TMC1: variants seen among roughly 807,000 people sequenced by gnomAD.
The protein encoded by TMC1 is transmembrane channel-like protein 1.
Under a neutral mutation model 105.8 loss-of-function variants are expected in TMC1, and 84 were observed. The observed-to-expected ratio is 0.79, with a 90% CI of 0.67 to 0.95. The LOEUF (loss-of-function observed/expected upper bound fraction) is 0.95, where lower values mean the gene tolerates loss of function less well. Ranked by LOEUF, TMC1 falls within the 40% of genes least tolerant of loss-of-function variation. The probability of loss-of-function intolerance (pLI) is 0.00; values close to 1 mark genes in which losing one functional copy is unlikely to be tolerated. For missense variants in TMC1, 817 were observed against 914.1 expected (o/e 0.89, Z 1.37); for synonymous variants, 315 against 311.5 (o/e 1.01, Z -0.12).
At chr9:72,809,452 G>A (rs1388457358) in intron 18 of TMC1, among the ~76,000 whole-genome samples, 2 of 152,164 alleles carry the variant, frequency 1.3e-5, no homozygotes, top group Non-Finnish European at 2.9e-5. Flanking sequence ...GATGGATGAC[G>A]AATCTTTGAT....
chr9:72,816,003 G>A (rs1828781640), intron 18 of TMC1, 140 bp from the exon 19 acceptor site: 1 of 743,222 alleles, frequency 1.3e-6, no homozygotes, highest in Non-Finnish European at 2.4e-6. Flanking sequence ...ATTTATATCT[G>A]GTTACTTATC....
chr9:72,767,185 G>C (rs960522559), intron 12 of TMC1, among the ~76,000 whole-genome samples: 1 of 152,194 alleles, frequency 6.6e-6, no homozygotes, highest in African/African-American at 2.4e-5. Context: ...GAATCTTGCA[G>C]TGTCACCTCC....
chr9:72,807,010 C>G (rs1012474096), intron 18 of TMC1, among the ~76,000 whole-genome samples: 1 of 152,222 alleles, frequency 6.6e-6, no homozygotes, highest in Non-Finnish European at 1.5e-5. Context: ...GTCTGCAATC[C>G]CGGCACCTCG....
At chr9:72,812,943 A>G (rs998517229) in intron 18 of TMC1, among the ~76,000 whole-genome samples, 1 of 152,200 alleles carries the variant, frequency 6.6e-6, no homozygotes, top group Non-Finnish European at 1.5e-5. Flanking sequence ...TGGGTGGATG[A>G]CTGACTTAGC....
chr9:72,585,509 A>T (rs1423388710), intron 2 of TMC1, among the ~76,000 whole-genome samples: 1 of 152,174 alleles, frequency 6.6e-6, no homozygotes, highest in African/African-American at 2.4e-5. Context: ...GGAAAGAATA[A>T]GACAATACAA....
chr9:72,674,684 T>A (rs980203361), intron 5 of TMC1, among the ~76,000 whole-genome samples: 8 of 152,212 alleles, frequency 5.3e-5, no homozygotes, highest in African/African-American at 9.6e-5. Flanking sequence ...GTGATAATGA[T>A]GTCCATTAAA....
intron 14 of TMC1, 148 bp from the exon 15 acceptor site, chr9:72,788,975 G>A (rs1334352926): frequency 8.8e-6 from 7 of 792,012 alleles, no homozygotes; most frequent in Non-Finnish European, 8.2e-6. Flanking sequence ...TATTCACCTG[G>A]TTTGTGGAAT....
At chr9:72,561,178 G>A (rs1046591368) in intron 1 of TMC1, among the ~76,000 whole-genome samples, 1 of 151,864 alleles carries the variant, frequency 6.6e-6, no homozygotes, top group Non-Finnish European at 1.5e-5. Flanking sequence ...AAAATTAGCC[G>A]GGCGTGGTGG....
At chr9:72,817,803 C>A (rs1370325664) in intron 19 of TMC1, among the ~76,000 whole-genome samples, 1 of 152,108 alleles carries the variant, frequency 6.6e-6, no homozygotes, top group Non-Finnish European at 1.5e-5. Context: ...TTTTCCAGTT[C>A]TCTCGTGGGC....
intron 2 of TMC1, among the ~76,000 whole-genome samples, chr9:72,608,230 G>T (rs1053911181): frequency 3.3e-5 from 5 of 152,118 alleles, no homozygotes; most frequent in Admixed American, 3.3e-4. Context: ...ATATCTTCTT[G>T]CATCTCATCG....
Position 72,742,522 on chromosome 9 carries a change from G to A in TMC1, c.532G>A (p.Glu178Lys), listed in dbSNP as rs1588060117. ...ATGGGAAAATAAAATCAAGGCTATTGAAAGTAAGTCCTTATCAGATCTCAG... is the reference window on the plus strand; with the variant it reads ...ATGGGAAAATAAAATCAAGGCTATTAAAAGTAAGTCCTTATCAGATCTCAG... ...VPWENKIKAI[E>K]SQFGSSVASY... The change falls in exon 10 of 24, where the codon GAA becomes AAA. Residue 178 changes from glutamate (E) to lysine (K), a missense_variant. Glu to Lys is a moderately conservative substitution (Grantham distance 56, BLOSUM62 1). Transcript: ENST00000297784. The A allele has an allele frequency of 6.2e-7, 1 of 1,613,402 alleles. No individual in the cohort carries two copies. The highest frequency in any genetic ancestry group is 1.3e-5 in the African/African-American group (1 of 75,044).
intron 8 of TMC1, among the ~76,000 whole-genome samples, chr9:72,735,218 T>G (rs1270620123): frequency 6.6e-6 from 1 of 152,218 alleles, no homozygotes; most frequent in African/African-American, 2.4e-5. Flanking sequence ...AAGACCAGAT[T>G]ACAGTCTTGG....
At chr9:72,742,558 T>C (rs1334619745) in intron 10 of TMC1, 33 bp downstream of exon 10, 7 of 1,568,860 alleles carry the variant, frequency 4.5e-6, no homozygotes, top group Non-Finnish European at 6.1e-6. Context: ...GTGGAGAAGG[T>C]TGTCTTAGAG....
chr9:72,623,367 C>T (rs1293939235), intron 3 of TMC1, among the ~76,000 whole-genome samples: 2 of 152,012 alleles, frequency 1.3e-5, no homozygotes, highest in Non-Finnish European at 2.9e-5. Context: ...TCAAGGAAAT[C>T]GTGGTCTATG....
intron 10 of TMC1, among the ~76,000 whole-genome samples, chr9:72,747,759 C>T (rs1415786458): frequency 6.6e-6 from 1 of 152,082 alleles, no homozygotes; most frequent in Non-Finnish European, 1.5e-5. Context: ...CTATGCCCAG[C>T]TAATTTTTGT....
At chr9:72,830,367 C>T (rs1829019457) in intron 21 of TMC1, 84 bp from the exon 22 acceptor site, 4 of 929,938 alleles carry the variant, frequency 4.3e-6, no homozygotes, top group South Asian at 4.2e-5. Context: ...GCTGATATTT[C>T]ATAATTTACT....
At chr9:72,527,895 C>T (rs72729188) in intron 1 of TMC1, among the ~76,000 whole-genome samples, 232 of 152,274 alleles carry the variant, frequency 1.5e-3, no homozygotes, top group Middle Eastern at 3.4e-3. Flanking sequence ...CCATTTAGTT[C>T]TTTCTTTTGT....
At chr9:72,718,363 C>G (rs1826958975) in intron 8 of TMC1, among the ~76,000 whole-genome samples, 2 of 152,214 alleles carry the variant, frequency 1.3e-5, no homozygotes, top group African/African-American at 4.8e-5. Context: ...AAGCTCAAGG[C>G]TGCTGTTCAG....
chr9:72,623,843 A>G (rs1322298864), intron 3 of TMC1, among the ~76,000 whole-genome samples: 1 of 152,130 alleles, frequency 6.6e-6, no homozygotes, highest in Admixed American at 6.5e-5. Context: ...TCCCATGATA[A>G]ATGTGCACCA....
Sources: gnomAD v4.1 joint callset for allele counts (sites outside exome capture counted in the v4.1 genomes callset) on GRCh38, gnomAD v4.1.1 for gene constraint, MANE v1.5 for transcripts, NCBI Gene and HGNC (gene_info 2026-07-23, HGNC 2026-07-21) for gene names.